The following CNBP variants were observed in gnomAD, a reference collection of about 807,000 sequenced individuals.
The protein encoded by CNBP is cellular nucleic acid-binding protein.
CNBP carries 6 observed loss-of-function variants against 21.2 expected under a neutral mutation model. The ratio of observed to expected loss-of-function variants is 0.28; its 90% CI spans 0.16 to 0.56. CNBP has a LOEUF of 0.56. Ranked by LOEUF, CNBP falls within the 20% of genes least tolerant of loss-of-function variation. CNBP has a pLI of 0.93. For missense variants in CNBP, 112 were observed against 233.1 expected, an observed-to-expected ratio of 0.48 and a Z score of 3.38; for synonymous variants, 61 against 74.9, an observed-to-expected ratio of 0.81 and a Z score of 0.96.
chr3:129,178,460 T>C (rs1483056270), intron 1 of CNBP, among the ~76,000 whole-genome samples: 1 of 152,124 alleles, frequency 6.6e-6, no homozygotes, highest in Non-Finnish European at 1.5e-5. Context: ...ACATTTAAAA[T>C]AAAGTAGCAA....
At chr3:129,178,749 A>ATTTT in intron 1 of CNBP, among the ~76,000 whole-genome samples, 1 of 144,820 alleles carries the variant, frequency 6.9e-6, no homozygotes, top group Non-Finnish European at 1.5e-5. Context: ...AACACTTCAG[A>ATTTT]TTTTTTTTTT....
At chr3:129,176,590 C>G (rs1937921152) in intron 1 of CNBP, among the ~76,000 whole-genome samples, 1 of 152,162 alleles carries the variant, frequency 6.6e-6, no homozygotes, top group African/African-American at 2.4e-5. Context: ...GTACTAACAA[C>G]AAAGCACCTA....
At chr3:129,174,780 T>G (rs571620045) in intron 1 of CNBP, among the ~76,000 whole-genome samples, 197 of 152,308 alleles carry the variant, frequency 1.3e-3, no homozygotes, top group African/African-American at 4.4e-3. Flanking sequence ...TGAGCTCATT[T>G]AACTATTGAT....
At chr3:129,181,649 C>CAAAAAAAAAAAAAAAAA (rs1367375702) in intron 1 of CNBP, among the ~76,000 whole-genome samples, 8,361 of 72,052 alleles carry the variant, frequency 0.12, 3,065 homozygotes, top group Non-Finnish European at 0.13. Context: ...GACTCCGTCT[C>CAAAAAAAAAAAAAAAAA]AGAAAAAAAA....
chr3:129,172,624 CCAGGCAGGCAGG>C (rs869112917), intron 1 of CNBP, among the ~76,000 whole-genome samples: 753 of 55,768 alleles, frequency 0.014, 26 homozygotes, highest in African/African-American at 0.028. Flanking sequence ...AGACAGGCAG[CCAGGCAGGCAGG>C]CAGGCAGGCA....
In CNBP at chr3:129,169,089, G is replaced by A. The variant is rs193271369; in HGVS notation, c.*1364C>T. Among the ~76,000 whole-genome samples, 19 of 150,508 alleles carry A rather than the reference G, an allele frequency of 1.3e-4. No homozygotes were observed. The highest frequency in any genetic ancestry group is 8.4e-4 in the South Asian group (4 of 4,782). On this transcript the variant is annotated 3_prime_UTR_variant, in exon 5 of 5. Transcript: ENST00000422453. The stretch of plus-strand genomic sequence containing the variant: ...TACACTCCAGCCTGGGCAACAGAGC[G>A]ACACTCTGTCTCAAAAAAAAATAAA...
At chr3:129,178,508 G>A (rs1286604066) in intron 1 of CNBP, among the ~76,000 whole-genome samples, 1 of 152,152 alleles carries the variant, frequency 6.6e-6, no homozygotes, top group African/African-American at 2.4e-5. Context: ...TAGCAAAGTA[G>A]GGTATGATTC....
chr3:129,179,726 G>A (rs1353267724), intron 1 of CNBP, among the ~76,000 whole-genome samples: 1 of 152,150 alleles, frequency 6.6e-6, no homozygotes. Flanking sequence ...TGGGCGTGGT[G>A]GTGCATGAGG....
At position 129,171,559 on chromosome 3, in the gene CNBP, G is replaced by T. The variant is rs185055616; in HGVS notation, c.125-21C>A. The stretch of plus-strand genomic sequence containing the variant: ...GAAACCTGTTTTGAGCAAAAACAAA[G>T]AATTCGGCTAGTCAGACCAGTCTTG... On this transcript the variant is annotated intron_variant, in intron 2 of 4. Transcript: ENST00000422453. 1.3e-3 allele frequency: 2,140 copies of T among 1,614,016 alleles called. 3 individuals are homozygous for T. The highest frequency in any genetic ancestry group is 1.7e-3 in the Non-Finnish European group (1,977 of 1,179,870).
intron 2 of CNBP, 34 bp from the exon 3 acceptor site, chr3:129,171,572 C>A (rs1937569058): frequency 6.2e-7 from 1 of 1,614,022 alleles, no homozygotes; most frequent in South Asian, 1.1e-5. Flanking sequence ...TTCGGCTAGT[C>A]AGACCAGTCT....
At chr3:129,179,967 T>C (rs1358718407) in intron 1 of CNBP, among the ~76,000 whole-genome samples, 5 of 152,058 alleles carry the variant, frequency 3.3e-5, no homozygotes, top group Non-Finnish European at 2.9e-5. Context: ...GATCCTGCCA[T>C]TGCACTCCCG....
intron 1 of CNBP, among the ~76,000 whole-genome samples, chr3:129,177,607 C>T (rs947377856): frequency 6.6e-6 from 1 of 152,210 alleles, no homozygotes; most frequent in African/African-American, 2.4e-5. Context: ...ATGTCTATTA[C>T]ATAGCAGGTT....
At chr3:129,181,015 G>C (rs1049840763) in intron 1 of CNBP, among the ~76,000 whole-genome samples, 1 of 151,722 alleles carries the variant, frequency 6.6e-6, no homozygotes, top group African/African-American at 2.4e-5. Flanking sequence ...CGAGGCGGGT[G>C]AATTACCTGA....
chr3:129,177,029 AG>A (rs1162281100), intron 1 of CNBP, among the ~76,000 whole-genome samples: 3 of 152,216 alleles, frequency 2.0e-5, no homozygotes, highest in Non-Finnish European at 4.4e-5. Context: ...GCCAGCAACC[AG>A]GCCAGAACCT....
chr3:129,178,334 C>T (rs1248424679), intron 1 of CNBP, among the ~76,000 whole-genome samples: 3 of 152,004 alleles, frequency 2.0e-5, no homozygotes, highest in Non-Finnish European at 4.4e-5. Flanking sequence ...GTACTTGTAC[C>T]ATACTATTGA....
At chr3:129,172,896 C>T (rs1937645971) in intron 1 of CNBP, among the ~76,000 whole-genome samples, 1 of 152,058 alleles carries the variant, frequency 6.6e-6, no homozygotes, top group Non-Finnish European at 1.5e-5. Flanking sequence ...AATGGATTCT[C>T]GGAGTGAGGA....
chr3:129,172,872 C>A (rs1209049450), intron 1 of CNBP, among the ~76,000 whole-genome samples: 2 of 152,004 alleles, frequency 1.3e-5, no homozygotes, highest in Admixed American at 1.3e-4. Context: ...TAACCCAAAC[C>A]AATGAAGCTG....
chr3:129,179,933 G>A (rs1325647939), intron 1 of CNBP, among the ~76,000 whole-genome samples: 2 of 152,144 alleles, frequency 1.3e-5, no homozygotes, highest in Non-Finnish European at 2.9e-5. Flanking sequence ...TTAAACCCAG[G>A]AGGCAGAGGT....
chr3:129,175,166 T>C (rs1006074670), intron 1 of CNBP, among the ~76,000 whole-genome samples: 2 of 151,042 alleles, frequency 1.3e-5, no homozygotes, highest in African/African-American at 4.9e-5. Context: ...TCTACTAAAA[T>C]AAAAAAATTA....
Sources: allele counts gnomAD v4.1 joint callset (sites outside exome capture counted in the v4.1 genomes callset), GRCh38; gene constraint gnomAD v4.1.1; transcripts MANE v1.5; gene names NCBI Gene and HGNC (gene_info 2026-07-23, HGNC 2026-07-21).